Variants in COL24A1 observed in about 807,000 individuals in gnomAD.
The protein encoded by COL24A1 is collagen type XXIV alpha 1 chain, also known as collagen alpha-1(XXIV) chain.
A neutral mutation model predicts 253.9 loss-of-function variants in COL24A1; 224 were observed. The observed-to-expected ratio is 0.88, with a 90% CI of 0.79 to 0.99. COL24A1 has a LOEUF of 0.99. Ranked by LOEUF, COL24A1 falls within the 50% of genes least tolerant of loss-of-function variation. The pLI is 0.00. For synonymous variants in COL24A1, 685 were observed against 673.7 expected, an observed-to-expected ratio of 1.02 and a Z score of -0.26; for missense variants, 2,131 against 2,068.5, an observed-to-expected ratio of 1.03 and a Z score of -0.59.
chr1:85,916,560 C>T (rs1685917400), intron 24 of COL24A1, among the ~76,000 whole-genome samples: 1 of 152,084 alleles, frequency 6.6e-6, no homozygotes, highest in Non-Finnish European at 1.5e-5. Flanking sequence ...GCAACATGTT[C>T]CTGTAGTCCC....
At chr1:85,736,717 C>T (rs1017839519) in intron 58 of COL24A1, among the ~76,000 whole-genome samples, 2 of 152,028 alleles carry the variant, frequency 1.3e-5, no homozygotes, top group African/African-American at 4.8e-5. Flanking sequence ...AGTTCTTTGT[C>T]AATGAGAAAT....
intron 5 of COL24A1, among the ~76,000 whole-genome samples, chr1:86,110,450 C>T (rs1705434168): frequency 6.6e-6 from 1 of 152,108 alleles, no homozygotes; most frequent in South Asian, 2.1e-4. Flanking sequence ...TCAGCGTCCA[C>T]TCTGGCCGCG....
At chr1:86,107,513 ATTT>A (rs1557650737) in intron 5 of COL24A1, among the ~76,000 whole-genome samples, 3 of 41,302 alleles carry the variant, frequency 7.3e-5, no homozygotes, top group Non-Finnish European at 4.4e-5. Flanking sequence ...ATGGTAATTT[ATTT>A]ATTTATTTAT....
intron 39 of COL24A1, among the ~76,000 whole-genome samples, chr1:85,845,672 T>A (rs1677078144): frequency 6.6e-6 from 1 of 151,704 alleles, no homozygotes; most frequent in African/African-American, 2.4e-5. Context: ...CAAAATATAA[T>A]AGCACCAACA....
At chr1:85,772,134 A>AT (rs1570546098) in intron 53 of COL24A1, among the ~76,000 whole-genome samples, 1 of 150,186 alleles carries the variant, frequency 6.7e-6, no homozygotes, top group Non-Finnish European at 1.5e-5. Flanking sequence ...TGAACTCATC[A>AT]TTTTTTATGG....
chr1:86,118,128 T>C (rs1265590311), intron 3 of COL24A1, among the ~76,000 whole-genome samples: 1 of 151,190 alleles, frequency 6.6e-6, no homozygotes, highest in Non-Finnish European at 1.5e-5. Context: ...AGTGGCGTGA[T>C]CTCGGCTCAC....
rs571147903 is a variant in COL24A1, at chr1:86,150,615, G to A, written c.57-4432C>T. Among the ~76,000 whole-genome samples the A allele has an allele frequency of 2.3e-3, 350 of 150,430 alleles. 3 individuals are homozygous for A. Among genetic ancestry groups the A allele is most frequent in the South Asian group, 6.7e-3 (32 of 4,772 alleles). On this transcript the variant is annotated intron_variant, in intron 1 of 59. Coordinates refer to ENST00000370571, the MANE Select transcript of COL24A1 (RefSeq NM_152890.7). ...TTTAGCTTTCTTGTCTCTGAAGTGG[G>A]TACAACAGAGAAAGGATGAAGTTTC...
intron 56 of COL24A1, 91 bp from the exon 57 acceptor site, chr1:85,744,925 T>C: frequency 1.0e-6 from 1 of 959,418 alleles, no homozygotes; most frequent in Non-Finnish European, 1.6e-6. Context: ...CCATTATGTG[T>C]AGTAAGTTGT....
chr1:85,978,305 C>A (rs200394702), intron 20 of COL24A1, among the ~76,000 whole-genome samples: 3 of 151,952 alleles, frequency 2.0e-5, no homozygotes, highest in East Asian at 3.9e-4. Flanking sequence ...GCCTATAAAA[C>A]AACAACACAC....
intron 4 of COL24A1, among the ~76,000 whole-genome samples, chr1:86,113,699 G>A (rs764102448): frequency 1.3e-5 from 2 of 151,804 alleles, no homozygotes; most frequent in Non-Finnish European, 2.9e-5. Flanking sequence ...GCCAGGCATA[G>A]TGGCCCACAC....
chr1:85,755,643 C>T (rs1475066998), intron 55 of COL24A1, among the ~76,000 whole-genome samples: 2 of 151,964 alleles, frequency 1.3e-5, no homozygotes, highest in African/African-American at 4.8e-5. Context: ...GTCTTTTCAA[C>T]AAACAGTGCT....
intron 47 of COL24A1, among the ~76,000 whole-genome samples, chr1:85,799,211 AAAAGAAAGAAAG>A (rs139787428): frequency 5.7e-4 from 79 of 137,632 alleles, no homozygotes; most frequent in East Asian, 3.3e-3. Flanking sequence ...TTGGCCACAT[AAAAGAAAGAAAG>A]AAAGAAAGAA....
intron 31 of COL24A1, 68 bp from the exon 32 acceptor site, chr1:85,889,681 C>T: frequency 7.4e-7 from 1 of 1,347,646 alleles, no homozygotes; most frequent in Non-Finnish European, 1.1e-6. Flanking sequence ...CTTTCCTTAC[C>T]TTAGCTTTCC....
rs1185269412 is a variant in COL24A1 at position 85,797,187 on chromosome 1, G to A, written c.3952-10726C>T. Among the ~76,000 whole-genome samples, 9 of 122,968 alleles carry A rather than the reference G, an allele frequency of 7.3e-5. No homozygotes were observed. The East Asian group carries it at 2.0e-3, about 27-fold the overall frequency. The allele number at this position is 122,968 out of a possible 152,430, so 80.7% of individuals were successfully genotyped here. ...GCAACTACTGCACTCCGGCCTGGGC[G>A]ACAGAGCGAGACTCCGTCTCAAAAA... On this transcript the variant is annotated intron_variant, in intron 47 of 59. Coordinates refer to ENST00000370571, the MANE Select transcript of COL24A1 (RefSeq NM_152890.7).
intron 31 of COL24A1, among the ~76,000 whole-genome samples, chr1:85,891,415 G>T (rs1019861717): frequency 5.3e-5 from 8 of 151,912 alleles, no homozygotes; most frequent in Non-Finnish European, 1.2e-4. Flanking sequence ...TAACTATACA[G>T]CTAATCACAA....
chr1:85,812,481 C>G (rs771256865), intron 47 of COL24A1, among the ~76,000 whole-genome samples: 5 of 152,116 alleles, frequency 3.3e-5, no homozygotes, highest in Non-Finnish European at 5.9e-5. Context: ...GTAGGTAGAA[C>G]TTGAGGCAAT....
At chr1:86,013,605 G>A (rs1411590171) in intron 19 of COL24A1, among the ~76,000 whole-genome samples, 1 of 152,204 alleles carries the variant, frequency 6.6e-6, no homozygotes, top group African/African-American at 2.4e-5. Flanking sequence ...GGAGGCCAAG[G>A]CAGGTGGATC....
At chr1:85,998,506 A>T (rs1470765519) in intron 19 of COL24A1, among the ~76,000 whole-genome samples, 4 of 152,214 alleles carry the variant, frequency 2.6e-5, no homozygotes, top group Non-Finnish European at 5.9e-5. Flanking sequence ...AAGCTCATGC[A>T]GGAAAAGGAA....
chr1:86,098,742 A>C (rs1704206989), intron 5 of COL24A1, among the ~76,000 whole-genome samples: 1 of 152,166 alleles, frequency 6.6e-6, no homozygotes, highest in African/African-American at 2.4e-5. Flanking sequence ...TTTTGGTAAA[A>C]AGTTACCAAA....
Sources: gnomAD v4.1 joint callset for allele counts (sites outside exome capture counted in the v4.1 genomes callset) on GRCh38, gnomAD v4.1.1 for gene constraint, MANE v1.5 for transcripts, NCBI Gene and HGNC (gene_info 2026-07-23, HGNC 2026-07-21) for gene names.